Variants in TEX48 observed in about 807,000 individuals in gnomAD.
The protein encoded by TEX48 is testis-expressed protein 48.
Under a neutral mutation model 13.2 loss-of-function variants are expected in TEX48, and 10 were observed. The ratio of observed to expected loss-of-function variants is 0.75; its 90% CI spans 0.47 to 1.28. The LOEUF (loss-of-function observed/expected upper bound fraction) is 1.28, where lower values mean the gene tolerates loss of function less well. Among genes scored for constraint, TEX48 ranks in the 50% most tolerant of loss-of-function variants. TEX48 has a pLI of 0.00. For synonymous variants in TEX48, 45 were observed against 52.3 expected (o/e 0.86, Z 0.60); for missense variants, 116 against 139.4 (o/e 0.83, Z 0.84).
At chr9:114,669,441 G>A (rs1827903815) in intron 3 of TEX48, among the ~76,000 whole-genome samples, 1 of 151,414 alleles carries the variant, frequency 6.6e-6, no homozygotes, top group African/African-American at 2.4e-5. Context: ...ACCATGGCTG[G>A]CTAATTTTTT....
rs1213837457 is a variant in TEX48 at position 114,679,594 on chromosome 9, G to C, written c.-105+2441C>G. Among the ~76,000 whole-genome samples, 4 of 152,260 alleles carry C rather than the reference G, an allele frequency of 2.6e-5. No homozygotes were observed. The East Asian group carries it at 7.7e-4, about 29-fold the overall frequency. The stretch of plus-strand genomic sequence containing the variant: ...TGGTTTGTTTCTTATGTGGAGATCA[G>C]ACTCTTCTATTCCAACTATAATTAA... On this transcript the variant is annotated intron_variant, in intron 1 of 4. Coordinates refer to ENST00000436752, the MANE Select transcript of TEX48 (RefSeq NM_001199233.2).
chr9:114,668,129 A>G (rs79108356), intron 4 of TEX48, 77 bp downstream of exon 4: 20 of 1,512,948 alleles, frequency 1.3e-5, no homozygotes, highest in East Asian at 2.5e-5. Context: ...TGAAGTATCA[A>G]TGGGGTCTGG....
At position 114,671,812 on chromosome 9, in the gene TEX48, TG is replaced by T; in HGVS notation, c.-90del. 1 of 1,417,002 alleles carries T rather than the reference TG, an allele frequency of 7.1e-7. No individual in the cohort carries two copies. Among genetic ancestry groups the T allele is most frequent in the Non-Finnish European group, 9.6e-7 (1 of 1,039,462 alleles). 87.8% of individuals were successfully genotyped at this position (1,417,002 alleles called of 1,614,324 possible). A position where few individuals can be genotyped will look rare whatever the true frequency, so the allele number is the denominator to read the frequency against. ...AGTCTTGAGTTTGAGCCCAGTTCAC[TG>T]GGCTGGGCTGTTTCCTAAGTAAACA... On this transcript the variant is annotated 5_prime_UTR_variant, in exon 2 of 5. It removes the in-frame stop codon of an upstream open reading frame in the 5' UTR. Transcript: ENST00000436752.
At chr9:114,673,320 A>G (rs1458576457) in intron 1 of TEX48, among the ~76,000 whole-genome samples, 3 of 152,074 alleles carry the variant, frequency 2.0e-5, no homozygotes, top group South Asian at 4.1e-4. Flanking sequence ...TAAAAATACA[A>G]AACTAGCTGG....
In TEX48 at chr9:114,678,791, A is replaced by G. The variant is rs551946759; in HGVS notation, c.-105+3244T>C. ...TGAGAAATCAAGACTTCAGTGAGCT[A>G]TAATCATGCCACTGCACTCCAGCCC... On this transcript the variant is annotated intron_variant, in intron 1 of 4. Coordinates refer to ENST00000436752, the MANE Select transcript of TEX48 (RefSeq NM_001199233.2). Among the ~76,000 whole-genome samples the G allele has an allele frequency of 8.6e-5, 13 of 150,868 alleles. No individual in the cohort carries two copies. In the Admixed American group the frequency reaches 8.6e-4, roughly 10 times the overall value.
chr9:114,671,858 T>C (rs1827955582), intron 1 of TEX48, 31 bp from the exon 2 acceptor site: 1 of 963,084 alleles, frequency 1.0e-6, no homozygotes, highest in South Asian at 1.4e-5. Context: ...GGCTGAAAAA[T>C]GCTAGTCCTT....
intron 3 of TEX48, among the ~76,000 whole-genome samples, chr9:114,670,530 C>T (rs1350252833): frequency 6.6e-6 from 1 of 151,780 alleles, no homozygotes. Flanking sequence ...ATTTTGATCC[C>T]TGATCTTCTC....
At chr9:114,667,142 C>T (rs1827856106) in intron 4 of TEX48, among the ~76,000 whole-genome samples, 1 of 152,134 alleles carries the variant, frequency 6.6e-6, no homozygotes, top group Non-Finnish European at 1.5e-5. Context: ...TAGTGGGGTT[C>T]CTACCTTCTC....
At chr9:114,679,077 G>C (rs1050252251) in intron 1 of TEX48, among the ~76,000 whole-genome samples, 5 of 151,868 alleles carry the variant, frequency 3.3e-5, no homozygotes, top group Non-Finnish European at 7.4e-5. Context: ...GAATCAATAG[G>C]TGACTTAATA....
At chr9:114,678,149 G>A (rs553453251) in intron 1 of TEX48, among the ~76,000 whole-genome samples, 3 of 152,102 alleles carry the variant, frequency 2.0e-5, no homozygotes, top group Non-Finnish European at 4.4e-5. Context: ...TGTCTGGAAT[G>A]CTATGGCCTC....
At chr9:114,673,720 C>G (rs372012743) in intron 1 of TEX48, among the ~76,000 whole-genome samples, 1 of 151,398 alleles carries the variant, frequency 6.6e-6, no homozygotes, top group African/African-American at 2.4e-5. Flanking sequence ...ATGCTAAGAT[C>G]GAAGGAAAAT....
intron 1 of TEX48, among the ~76,000 whole-genome samples, chr9:114,681,822 C>T (rs1286597394): frequency 1.5e-4 from 13 of 83,938 alleles, no homozygotes; most frequent in Admixed American, 5.5e-4. Flanking sequence ...AGGCTTCTGG[C>T]GCTGCGGGCG....
chr9:114,674,666 C>CTTCCCTCT, intron 1 of TEX48, among the ~76,000 whole-genome samples: 1 of 37,048 alleles, frequency 2.7e-5, no homozygotes, highest in South Asian at 9.0e-4. Flanking sequence ...TCCTTCCTTC[C>CTTCCCTCT]TTCTTTCCTT....
chr9:114,670,682 G>C (rs1827931179), intron 3 of TEX48, among the ~76,000 whole-genome samples: 1 of 152,058 alleles, frequency 6.6e-6, no homozygotes, highest in Admixed American at 6.5e-5. Flanking sequence ...AAGATTTAAA[G>C]GGGGGTGGCT....
intron 3 of TEX48, 48 bp from the exon 4 acceptor site, chr9:114,668,385 AT>A (rs1827881873): frequency 6.6e-7 from 1 of 1,508,112 alleles, no homozygotes; most frequent in Non-Finnish European, 8.9e-7. Context: ...CTTAGGTGAG[AT>A]CACGGAAGTG....
At position 114,673,448 on chromosome 9, in the gene TEX48, G is replaced by T. The variant is rs952557188; in HGVS notation, c.-104-1621C>A. On this transcript the variant is annotated intron_variant, in intron 1 of 4. Coordinates refer to ENST00000436752, the MANE Select transcript of TEX48 (RefSeq NM_001199233.2). Reference sequence around the variant, plus strand: ...ATCACGCCATTGCACTCCAGCCTGGGCAAGAAGAATAAAACTCTGTCTCAA... The same window carrying T: ...ATCACGCCATTGCACTCCAGCCTGGTCAAGAAGAATAAAACTCTGTCTCAA... Among the ~76,000 whole-genome samples, 3 of 101,760 alleles carry T rather than the reference G, an allele frequency of 2.9e-5. No homozygotes were observed. The South Asian group carries it at 8.3e-4, about 28-fold the overall frequency. 66.8% of individuals were successfully genotyped at this position (101,760 alleles called of 152,430 possible).
At chr9:114,676,411 TCTCCTGCCTCAGC>T (rs1828064745) in intron 1 of TEX48, among the ~76,000 whole-genome samples, 1 of 152,010 alleles carries the variant, frequency 6.6e-6, no homozygotes, top group African/African-American at 2.4e-5. Flanking sequence ...GCTCAAGAGA[TCTCCTGCCTCAGC>T]CTCCAAAAGT....
chr9:114,678,817 A>C (rs1391154658), intron 1 of TEX48, among the ~76,000 whole-genome samples: 2 of 148,822 alleles, frequency 1.3e-5, no homozygotes, highest in Admixed American at 6.8e-5. Context: ...ACTCCAGCCC[A>C]GGCAACAGGA....
In TEX48 at chr9:114,671,687, C is replaced by T. The variant is rs1481472363; in HGVS notation, c.4+33G>A. On this transcript the variant is annotated intron_variant, in intron 2 of 4. Transcript: ENST00000436752. Reference sequence around the variant, plus strand: ...GGCCAGCAGATCCTTCTGCCTAGGCCATTTTTTCCTATTCTGTACAAAGTT... The same window carrying T: ...GGCCAGCAGATCCTTCTGCCTAGGCTATTTTTTCCTATTCTGTACAAAGTT... The T allele has an allele frequency of 6.5e-6, 10 of 1,535,614 alleles. 1 individual carries two copies. The South Asian group carries it at 1.2e-4, about 18-fold the overall frequency.
Sources: gnomAD v4.1 joint callset for allele counts (sites outside exome capture counted in the v4.1 genomes callset) on GRCh38, gnomAD v4.1.1 for gene constraint, MANE v1.5 for transcripts, NCBI Gene and HGNC (gene_info 2026-07-23, HGNC 2026-07-21) for gene names.